PCDHGA1: variants seen among roughly 807,000 people sequenced by gnomAD.
PCDHGA1 encodes protocadherin gamma subfamily A, 1, also known as protocadherin gamma-A1.
In PCDHGA1, 32 loss-of-function variants were observed where a neutral mutation model predicts 58.0. That is an observed-to-expected ratio of 0.55 (90% confidence interval 0.42 to 0.74). PCDHGA1 has a LOEUF of 0.74. Among genes scored for constraint, PCDHGA1 ranks in the 30% least tolerant of loss-of-function variants. PCDHGA1 has a pLI of 0.00. For missense variants in PCDHGA1, 1,205 were observed against 1,182.3 expected (o/e 1.02, Z -0.28); for synonymous variants, 498 against 501.1 (o/e 0.99, Z 0.08).
rs201279747 is a variant in PCDHGA1, at chr5:141,414,931, G to A, written c.2422-79876G>A. On this transcript the variant is annotated intron_variant, in intron 1 of 3. Coordinates refer to ENST00000517417, the MANE Select transcript of PCDHGA1 (RefSeq NM_018912.3). ...AGGCGTGGAGCTGGCGCCCCGCTCC[G>A]CAGAGCCCGGCTACCTGGTGACCAA... 123 of 1,614,120 alleles carry A rather than the reference G, an allele frequency of 7.6e-5. No homozygotes were observed. In the East Asian group the frequency reaches 2.5e-3, roughly 33 times the overall value.
At chr5:141,509,106 A>T (rs1159119530) in intron 3 of PCDHGA1, among the ~76,000 whole-genome samples, 1 of 152,102 alleles carries the variant, frequency 6.6e-6, no homozygotes, top group Non-Finnish European at 1.5e-5. Flanking sequence ...TAGAAACCTG[A>T]GCGCTGGTGC....
intron 1 of PCDHGA1, among the ~76,000 whole-genome samples, chr5:141,358,120 G>T (rs1004633411): frequency 5.9e-5 from 9 of 152,162 alleles, no homozygotes; most frequent in Non-Finnish European, 1.3e-4. Flanking sequence ...AACCTGGGAG[G>T]CAGAGGTTGC....
intron 3 of PCDHGA1, among the ~76,000 whole-genome samples, chr5:141,509,045 GC>G (rs1165443091): frequency 6.6e-6 from 1 of 152,060 alleles, no homozygotes; most frequent in Non-Finnish European, 1.5e-5. Context: ...CCTCTCCCCC[GC>G]CCCCAGAAAG....
chr5:141,418,749 C>A, intron 1 of PCDHGA1: 1 of 1,613,866 alleles, frequency 6.2e-7, no homozygotes, highest in South Asian at 1.1e-5. Flanking sequence ...CTGGATTACA[C>A]TACAGGAAAC....
intron 1 of PCDHGA1, chr5:141,339,703 G>C (rs1756865657): frequency 6.2e-7 from 1 of 1,614,158 alleles, no homozygotes; most frequent in African/African-American, 1.3e-5. Context: ...TTTTTACACA[G>C]CCCGAGTACC....
Position 141,332,200 on chromosome 5 carries a change from T to A in PCDHGA1, c.1516T>A (p.Ser506Thr). ...GGGGGCACCCCTATCTGCCTACCTCTCCATCAACTCCGACACTGGGGTCCT... is the reference window on the plus strand; with the variant it reads ...GGGGGCACCCCTATCTGCCTACCTCACCATCAACTCCGACACTGGGGTCCT... ...IQGAPLSAYLSINSDTGVLYA... is the reference protein window; with the variant it reads ...IQGAPLSAYLTINSDTGVLYA... The change falls in exon 1 of 4, where the codon TCC becomes ACC. Residue 506 changes from serine (S) to threonine (T), a missense_variant. By Grantham distance (58) the Ser-to-Thr change is moderately conservative. Transcript: ENST00000517417. This position sits in a 1 kb window ranked among gnomAD's most constrained non-coding sequence, Gnocchi z 4.6. 2 of 1,614,162 alleles carry A rather than the reference T, an allele frequency of 1.2e-6. No individual in the cohort carries two copies. The highest frequency in any genetic ancestry group is 1.7e-6 in the Non-Finnish European group (2 of 1,180,028).
rs767842302 is a variant in PCDHGA1 at position 141,381,979 on chromosome 5, G to A, written c.2421+48874G>A. Among the ~76,000 whole-genome samples the A allele has an allele frequency of 2.6e-5, 4 of 151,486 alleles. 1 individual carries two copies. Among genetic ancestry groups the A allele is most frequent in the East Asian group, 3.9e-4 (2 of 5,156 alleles). On this transcript the variant is annotated intron_variant, in intron 1 of 3. Transcript: ENST00000517417. ...TGAGTAGCTGGGATTACAGGCGCGCGCCACCACGCCCGGATAATTTTGTAT... is the reference window on the plus strand; with the variant it reads ...TGAGTAGCTGGGATTACAGGCGCGCACCACCACGCCCGGATAATTTTGTAT...
At chr5:141,393,267 T>C in intron 1 of PCDHGA1, 1 of 1,613,944 alleles carries the variant, frequency 6.2e-7, no homozygotes, top group Non-Finnish European at 8.5e-7. Flanking sequence ...TGGAGCACGT[T>C]ATCCACTCCC....
At chr5:141,478,795 C>T (rs919747545) in intron 1 of PCDHGA1, 7 of 1,468,056 alleles carry the variant, frequency 4.8e-6, no homozygotes, top group Non-Finnish European at 6.3e-6. Flanking sequence ...ACATCCTCAG[C>T]ACTCTTTTGC....
rs139839962 is a variant in PCDHGA1, at chr5:141,380,524, G to C, written c.2421+47419G>C. On this transcript the variant is annotated intron_variant, in intron 1 of 3. Coordinates refer to ENST00000517417, the MANE Select transcript of PCDHGA1 (RefSeq NM_018912.3). ...ATATACACTCTTTAAACTATGAAAT[G>C]ATTTCAATTTGATACAATGAGCTTA... Among the ~76,000 whole-genome samples the C allele has an allele frequency of 4.5e-3, 691 of 152,196 alleles. 6 individuals are homozygous for C. Among genetic ancestry groups the C allele is most frequent in the Middle Eastern group, 0.014 (4 of 294 alleles).
Position 141,431,278 on chromosome 5 carries a change from C to A in PCDHGA1, c.2422-63529C>A, listed in dbSNP as rs755533628. On this transcript the variant is annotated intron_variant, in intron 1 of 3. Transcript: ENST00000517417. The surrounding 1 kb of genome is among the most constrained non-coding windows in gnomAD (Gnocchi z 4.8). ...ACTCTCTGCAGAGCTACGAGCTCAG[C>A]CCGAACACTCACTTCTCCCTCATCG... 6.2e-7 allele frequency: 1 copy of A among 1,614,170 alleles called. No individual in the cohort carries two copies. The highest frequency in any genetic ancestry group is 8.5e-7 in the Non-Finnish European group (1 of 1,180,038).
chr5:141,391,135 C>T (rs1481057033), intron 1 of PCDHGA1: 2 of 152,104 alleles, frequency 1.3e-5, no homozygotes, highest in Non-Finnish European at 2.9e-5. Flanking sequence ...AATCATTCTC[C>T]TACCTCTAGG....
At position 141,334,595 on chromosome 5, in the gene PCDHGA1, C is replaced by T. The variant is rs1397914534; in HGVS notation, c.2421+1490C>T. ...CCCTCCAGCCTGGGCGACAGAGCCA[C>T]ACCCTGTTAAATAAATAAATATAAT... On this transcript the variant is annotated intron_variant, in intron 1 of 3. Coordinates refer to ENST00000517417, the MANE Select transcript of PCDHGA1 (RefSeq NM_018912.3). This position sits in a 1 kb window ranked among gnomAD's most constrained non-coding sequence, Gnocchi z 4.6. The T allele has an allele frequency of 2.0e-5, 3 of 152,228 alleles. No homozygotes were observed. Among genetic ancestry groups the T allele is most frequent in the African/African-American group, 7.2e-5 (3 of 41,438 alleles). 9.4% of individuals were successfully genotyped at this position (152,228 alleles called of 1,614,324 possible).
intron 1 of PCDHGA1, chr5:141,405,099 T>C: frequency 6.2e-7 from 1 of 1,613,942 alleles, no homozygotes; most frequent in East Asian, 2.2e-5. Flanking sequence ...GCCCTCAGGC[T>C]GAGGCACTGG....
rs374229757 is a variant in PCDHGA1, at chr5:141,491,437, C to T, written c.2422-3370C>T. 4 of 1,613,978 alleles carry T rather than the reference C, an allele frequency of 2.5e-6. No homozygotes were observed. Among genetic ancestry groups the T allele is most frequent in the Admixed American group, 3.3e-5 (2 of 60,004 alleles). ...CGGGGGTGGAGGGCAGTGCTGCAGG[C>T]GCCAGGACTCACCCTCCCCGGACTT... On this transcript the variant is annotated intron_variant, in intron 1 of 3. Coordinates refer to ENST00000517417, the MANE Select transcript of PCDHGA1 (RefSeq NM_018912.3). This position sits in a 1 kb window ranked among gnomAD's most constrained non-coding sequence, Gnocchi z 6.9.
At chr5:141,372,748 C>T (rs771861396) in intron 1 of PCDHGA1, 2 of 1,613,132 alleles carry the variant, frequency 1.2e-6, no homozygotes, top group East Asian at 2.2e-5. Context: ...TGTGATGAAG[C>T]CTCTTGGTTT....
At chr5:141,371,866 T>A (rs1768128471) in intron 1 of PCDHGA1, 1 of 1,613,504 alleles carries the variant, frequency 6.2e-7, no homozygotes, top group Non-Finnish European at 8.5e-7. Flanking sequence ...TCCTACTACA[T>A]CGTGGCCAGT....
chr5:141,393,858 A>C lies in PCDHGA1; in HGVS notation c.2421+60753A>C, dbSNP rs777304987. 5 of 1,613,912 alleles carry C rather than the reference A, an allele frequency of 3.1e-6. No homozygotes were observed. The South Asian group carries it at 3.3e-5, about 11-fold the overall frequency. Reference sequence around the variant, plus strand: ...AAATGACAATAGACCAGAAGTGATCATTACGTCTTTGTTTAGCCCAGTGTT... The same window carrying C: ...AAATGACAATAGACCAGAAGTGATCCTTACGTCTTTGTTTAGCCCAGTGTT... On this transcript the variant is annotated intron_variant, in intron 1 of 3. Coordinates refer to ENST00000517417, the MANE Select transcript of PCDHGA1 (RefSeq NM_018912.3).
At chr5:141,344,833 C>G in intron 1 of PCDHGA1, 1 of 1,613,970 alleles carries the variant, frequency 6.2e-7, no homozygotes, top group Non-Finnish European at 8.5e-7. Flanking sequence ...GTGAATGCCA[C>G]TGACCCTGAC....
Sources: gnomAD v4.1 joint callset for allele counts (sites outside exome capture counted in the v4.1 genomes callset) on GRCh38, gnomAD v4.1.1 for gene constraint, Gnocchi (gnomAD v3.1) non-coding constraint, MANE v1.5 for transcripts, NCBI Gene and HGNC (gene_info 2026-07-23, HGNC 2026-07-21) for gene names.